Variants in CSMD3 observed in about 807,000 individuals in gnomAD.
CSMD3 encodes CUB and sushi domain-containing protein 3.
A neutral mutation model predicts 435.2 loss-of-function variants in CSMD3; 177 were observed. The ratio of observed to expected loss-of-function variants is 0.41; its 90% CI spans 0.36 to 0.46. CSMD3 has a LOEUF of 0.46. Among genes scored for constraint, CSMD3 ranks in the 20% least tolerant of loss-of-function variants. The pLI is 0.34. For synonymous variants in CSMD3, 1,656 were observed against 1,520.5 expected, an observed-to-expected ratio of 1.09 and a Z score of -2.07; for missense variants, 4,265 against 4,504.6, an observed-to-expected ratio of 0.95 and a Z score of 1.52.
In CSMD3 at chr8:112,390,717, T is replaced by G. The variant is rs375988803; in HGVS notation, c.5881A>C (p.Asn1961His). ...ATCTTCCACACACAATTCAGATTGT[T>G]GTCATAAGGCTCAGGGTATCCAGGT... is the stretch of plus-strand genomic sequence containing the variant. ...LSPGYPEPYD[N>H]NLNCVWKITV... is the part of the protein sequence containing the mutation. The change falls in exon 36 of 71, where the codon AAC (asparagine) becomes CAC (histidine). Residue 1961 changes from asparagine (N) to histidine (H), a missense_variant. Asn to His is a moderately conservative substitution (Grantham distance 68). Transcript: ENST00000297405. 1.2e-6 allele frequency: 2 copies of G among 1,612,982 alleles called. No homozygotes were observed. The highest frequency in any genetic ancestry group is 2.7e-5 in the African/African-American group (2 of 74,910).
intron 19 of CSMD3, among the ~76,000 whole-genome samples, chr8:112,649,283 C>G (rs2075061561): frequency 6.6e-6 from 1 of 152,154 alleles, no homozygotes; most frequent in South Asian, 2.1e-4. Flanking sequence ...AGTTGGGTTT[C>G]TGTCACTTAC....
At chr8:112,333,948 C>T (rs991695180) in intron 45 of CSMD3, among the ~76,000 whole-genome samples, 5 of 151,934 alleles carry the variant, frequency 3.3e-5, no homozygotes, top group East Asian at 1.9e-4. Context: ...TATTAGTTCC[C>T]GAATTATGAT....
rs1391324453 is a variant in CSMD3, at chr8:113,278,664, T to C, written c.442A>G (p.Lys148Glu). ...FHLPPPVTST[K>E]SVFSLRLTSD... ...GTCAAACGTAGTGAGAACACAGATT[T>C]GGTACTTGTCACTGGAGGTGGCAGA... Residue 148 changes from lysine to glutamate, a missense_variant, in exon 3 of 71, where the codon AAA becomes GAA. This residue lies in a region of CSMD3 where 731 missense variants were observed against 755.4 expected (regional missense o/e 0.97). Transcript: ENST00000297405. 6.2e-7 allele frequency: 1 copy of C among 1,602,152 alleles called. No homozygotes were observed. The highest frequency in any genetic ancestry group is 2.2e-5 in the East Asian group (1 of 44,782).
chr8:113,186,268 T>C (rs2131957405), intron 3 of CSMD3, among the ~76,000 whole-genome samples: 1 of 152,078 alleles, frequency 6.6e-6, no homozygotes, highest in East Asian at 2.0e-4. Flanking sequence ...TCCCTGACCA[T>C]ATGGCCAGGT....
In CSMD3 at chr8:112,231,555, T is replaced by A. The variant is rs2129891468; in HGVS notation, c.10818A>T (p.Leu3606=). ...IQGKDYGQFG[L]QRLGLNMSEG... is the part of the protein sequence containing the mutation. The stretch of plus-strand genomic sequence containing the variant: ...AAATGAATACATTACCCAGTCTTTG[T>A]AGGCCAAATTGTCCATAATCTTTGC... The change falls in exon 69 of 71, where the codon CTA becomes CTT. Residue 3606 remains leucine (L), a synonymous_variant. Coordinates refer to ENST00000297405, the MANE Select transcript of CSMD3 (RefSeq NM_198123.2). 6.3e-7 allele frequency: 1 copy of A among 1,599,316 alleles called. No individual in the cohort carries two copies. The highest frequency in any genetic ancestry group is 8.6e-7 in the Non-Finnish European group (1 of 1,166,740).
intron 4 of CSMD3, among the ~76,000 whole-genome samples, chr8:113,116,140 A>G (rs1274966151): frequency 6.6e-6 from 1 of 152,074 alleles, no homozygotes; most frequent in Admixed American, 6.6e-5. Context: ...AAAAAAACAT[A>G]ATTTATTTCT....
chr8:112,334,217 A>G (rs60009569), intron 45 of CSMD3, among the ~76,000 whole-genome samples: 6,063 of 152,230 alleles, frequency 0.04, 402 homozygotes, highest in African/African-American at 0.14. Context: ...GTGGATCACT[A>G]TGGAGAAACT....
chr8:113,130,355 G>C (rs2091253715), intron 4 of CSMD3, among the ~76,000 whole-genome samples: 1 of 152,064 alleles, frequency 6.6e-6, no homozygotes, highest in Non-Finnish European at 1.5e-5. Flanking sequence ...TCATGGGGAG[G>C]AATTTCCTCC....
chr8:112,996,468 G>T (rs2085657111), intron 6 of CSMD3, among the ~76,000 whole-genome samples: 1 of 151,668 alleles, frequency 6.6e-6, no homozygotes, highest in South Asian at 2.1e-4. Context: ...ATTTCTGGGA[G>T]AAATGTACAT....
intron 1 of CSMD3, among the ~76,000 whole-genome samples, chr8:113,381,592 A>C (rs543569233): frequency 6.6e-6 from 1 of 152,152 alleles, no homozygotes; most frequent in East Asian, 1.9e-4. Context: ...CAAACATTCA[A>C]AACACTTTAA....
rs147282773 is a variant in CSMD3, at chr8:113,019,110, T to C, written c.987A>G (p.Thr329=). ...NKNWLRLHFV[T]DSNHRYRGFS... ...ATCCACGGTATCGATGATTGCTGTC[T>C]GTAACAAAATGCAGTCTGAGCCAGT... The change falls in exon 6 of 71, where the codon ACA becomes ACG. Residue 329 remains threonine, a synonymous_variant. Coordinates refer to ENST00000297405, the MANE Select transcript of CSMD3 (RefSeq NM_198123.2). 4.2e-5 allele frequency: 67 copies of C among 1,613,712 alleles called. No individual in the cohort carries two copies. In the African/African-American group the frequency reaches 5.1e-4, roughly 12 times the overall value.
intron 3 of CSMD3, among the ~76,000 whole-genome samples, chr8:113,198,055 C>G (rs1438607175): frequency 1.3e-5 from 2 of 151,098 alleles, no homozygotes; most frequent in African/African-American, 2.4e-5. Context: ...ACATGAATAC[C>G]TATTTATTTC....
chr8:112,804,032 A>G (rs2079022562), intron 12 of CSMD3, among the ~76,000 whole-genome samples: 1 of 152,212 alleles, frequency 6.6e-6, no homozygotes, highest in Non-Finnish European at 1.5e-5. Flanking sequence ...CACTGAAAGT[A>G]ACTCCTTGTA....
At chr8:112,908,027 A>G (rs1564091337) in intron 10 of CSMD3, among the ~76,000 whole-genome samples, 2 of 151,434 alleles carry the variant, frequency 1.3e-5, no homozygotes. Context: ...TAAACAAAAA[A>G]CATGATAATA....
Position 113,322,075 on chromosome 8 carries a change from T to C in CSMD3, c.179-7282A>G, listed in dbSNP as rs567449447. On this transcript the variant is annotated intron_variant, in intron 1 of 70. Coordinates refer to ENST00000297405, the MANE Select transcript of CSMD3 (RefSeq NM_198123.2). ...CATGAAAAATTTAATAATTACAAAC[T>C]GAAAACCTATGTTACCAGTAGGTAT... 7.9e-5 allele frequency among the ~76,000 whole-genome samples: 12 copies of C among 152,264 alleles called. No individual in the cohort carries two copies. In the South Asian group the frequency reaches 2.5e-3, roughly 31 times the overall value.
chr8:112,288,546 A>G (rs998188230), intron 57 of CSMD3, among the ~76,000 whole-genome samples: 1 of 152,080 alleles, frequency 6.6e-6, no homozygotes, highest in African/African-American at 2.4e-5. Flanking sequence ...CTAGTAAGTC[A>G]TCAGAATGGT....
chr8:112,859,461 T>C (rs1321670327), intron 10 of CSMD3, among the ~76,000 whole-genome samples, 195 bp from the exon 11 acceptor site: 4 of 151,834 alleles, frequency 2.6e-5, no homozygotes, highest in African/African-American at 4.8e-5. Flanking sequence ...CTCGATATTT[T>C]CAACATTAAT....
intron 41 of CSMD3, among the ~76,000 whole-genome samples, chr8:112,342,047 T>A (rs192670047): frequency 3.9e-5 from 6 of 152,154 alleles, no homozygotes; most frequent in Admixed American, 3.3e-4. Flanking sequence ...TAATTTGTGT[T>A]ATGGAAAAGG....
At chr8:112,279,002 C>T (rs1021771218) in intron 59 of CSMD3, among the ~76,000 whole-genome samples, 2 of 143,802 alleles carry the variant, frequency 1.4e-5, no homozygotes, top group Non-Finnish European at 3.0e-5. Flanking sequence ...TCCTGTAACT[C>T]CACCCCCAAA....
Sources: allele counts gnomAD v4.1 joint callset (sites outside exome capture counted in the v4.1 genomes callset), GRCh38; gene constraint gnomAD v4.1.1; regional missense constraint gnomAD v4.1.1; transcripts MANE v1.5; gene names NCBI Gene and HGNC (gene_info 2026-07-23, HGNC 2026-07-21).